EGFR: variants seen among roughly 807,000 people sequenced by gnomAD.
EGFR encodes the protein epidermal growth factor receptor.
A neutral mutation model predicts 143.0 loss-of-function variants in EGFR; 58 were observed. The observed-to-expected ratio is 0.41, with a 90% confidence interval of 0.33 to 0.50. The LOEUF is 0.50. Ranked by LOEUF, EGFR falls within the 20% of genes least tolerant of loss-of-function variation. EGFR has a pLI of 0.39. For missense variants in EGFR, 1,307 were observed against 1,579.0 expected (o/e 0.83, Z 2.92); for synonymous variants, 613 against 594.4 (o/e 1.03, Z -0.45).
At chr7:55,165,706 G>T (rs779128940) in intron 15 of EGFR, among the ~76,000 whole-genome samples, 14 of 152,186 alleles carry the variant, frequency 9.2e-5, no homozygotes, top group Admixed American at 6.5e-5. Flanking sequence ...GGGGACAAAA[G>T]AGCACAGGTC....
At chr7:55,096,988 G>A (rs1239433191) in intron 1 of EGFR, among the ~76,000 whole-genome samples, 2 of 152,234 alleles carry the variant, frequency 1.3e-5, no homozygotes, top group Non-Finnish European at 2.9e-5. Context: ...TCCTCCACAC[G>A]CATATCCCTG....
chr7:55,111,370 T>G (rs1792477874), intron 1 of EGFR, among the ~76,000 whole-genome samples: 2 of 81,750 alleles, frequency 2.4e-5, no homozygotes, highest in African/African-American at 1.3e-4. Flanking sequence ...AGACGTTTTG[T>G]TTTTTTTTTT....
At chr7:55,153,179 C>G (rs1277700528) in intron 6 of EGFR, among the ~76,000 whole-genome samples, 1 of 152,196 alleles carries the variant, frequency 6.6e-6, no homozygotes, top group Non-Finnish European at 1.5e-5. Flanking sequence ...GCTCCTCCAC[C>G]ACTGCTCAGG....
chr7:55,096,525 T>C (rs1197864882), intron 1 of EGFR, among the ~76,000 whole-genome samples: 1 of 152,108 alleles, frequency 6.6e-6, no homozygotes, highest in Non-Finnish European at 1.5e-5. Context: ...TGTGATAAGT[T>C]CTGTTTATGG....
At chr7:55,107,711 C>T (rs1584055468) in intron 1 of EGFR, among the ~76,000 whole-genome samples, 2 of 152,198 alleles carry the variant, frequency 1.3e-5, no homozygotes, top group Admixed American at 6.5e-5. Context: ...GAGGACAGAA[C>T]AATATTTGCA....
chr7:55,142,800 T>C lies in EGFR; in HGVS notation c.240+363T>C, dbSNP rs535961872. Reference sequence around the variant, plus strand: ...TTAGTGTAAATACTCCTACTATAGCTGATTTCAAGGTACCAAGTTTCACTC... The same window carrying C: ...TTAGTGTAAATACTCCTACTATAGCCGATTTCAAGGTACCAAGTTTCACTC... On this transcript the variant is annotated intron_variant, in intron 2 of 27. Transcript: ENST00000275493. 1.3e-4 allele frequency among the ~76,000 whole-genome samples: 20 copies of C among 152,338 alleles called. No homozygotes were observed. In the East Asian group the frequency reaches 3.5e-3, roughly 26 times the overall value.
rs118098797 is a variant in EGFR at position 55,176,030 on chromosome 7, A to T, written c.2283+1210A>T. Among the ~76,000 whole-genome samples the T allele has an allele frequency of 2.9e-4, 44 of 152,358 alleles. No homozygotes were observed. In the East Asian group the frequency reaches 6.6e-3, roughly 23 times the overall value. Reference sequence around the variant, plus strand: ...TTACAAATTGAGTCAAGTCCTAGTAACAAAATGTTAAGTCTATTAACATAA... The same window carrying T: ...TTACAAATTGAGTCAAGTCCTAGTATCAAAATGTTAAGTCTATTAACATAA... On this transcript the variant is annotated intron_variant, in intron 19 of 27. Transcript: ENST00000275493.
At chr7:55,074,071 C>T (rs751849226) in intron 1 of EGFR, among the ~76,000 whole-genome samples, 19 of 152,242 alleles carry the variant, frequency 1.2e-4, no homozygotes, top group African/African-American at 4.3e-4. Flanking sequence ...GCGGTCTCAA[C>T]GGCTCATTCA....
At chr7:55,115,426 T>C (rs1010353248) in intron 1 of EGFR, among the ~76,000 whole-genome samples, 1 of 152,246 alleles carries the variant, frequency 6.6e-6, no homozygotes, top group Non-Finnish European at 1.5e-5. Context: ...CAATGGCTGC[T>C]ATTTTCATGA....
At chr7:55,132,101 A>T (rs1793877500) in intron 1 of EGFR, among the ~76,000 whole-genome samples, 1 of 151,606 alleles carries the variant, frequency 6.6e-6, no homozygotes, top group Non-Finnish European at 1.5e-5. Flanking sequence ...AAATGTGTGT[A>T]TGTTTATAGA....
chr7:55,170,118 A>C (rs1034264240), intron 15 of EGFR, among the ~76,000 whole-genome samples: 2 of 152,204 alleles, frequency 1.3e-5, no homozygotes, highest in Non-Finnish European at 2.9e-5. Flanking sequence ...AAAGCACCAC[A>C]GGGGTAAGAC....
At chr7:55,067,322 A>G (rs1789563607) in intron 1 of EGFR, among the ~76,000 whole-genome samples, 2 of 146,058 alleles carry the variant, frequency 1.4e-5, no homozygotes, top group South Asian at 4.1e-4. Context: ...GCCGGAGCCC[A>G]TGGGGAAATG....
At chr7:55,024,638 G>T (rs952732667) in intron 1 of EGFR, among the ~76,000 whole-genome samples, 2 of 152,160 alleles carry the variant, frequency 1.3e-5, no homozygotes, top group Non-Finnish European at 2.9e-5. Flanking sequence ...ATGATTGTTT[G>T]CCCTTTGCAT....
chr7:55,026,572 G>A (rs1259081674), intron 1 of EGFR, among the ~76,000 whole-genome samples: 5 of 152,048 alleles, frequency 3.3e-5, no homozygotes, highest in African/African-American at 4.8e-5. Flanking sequence ...ACTCCTCCTC[G>A]ACCAGAGACA....
At chr7:55,136,468 C>T (rs1265971034) in intron 1 of EGFR, among the ~76,000 whole-genome samples, 4 of 152,196 alleles carry the variant, frequency 2.6e-5, no homozygotes, top group African/African-American at 9.7e-5. Context: ...ACTTTGGTCA[C>T]ATGGCCATCC....
At chr7:55,105,198 C>T (rs753711854) in intron 1 of EGFR, among the ~76,000 whole-genome samples, 16 of 152,188 alleles carry the variant, frequency 1.1e-4, no homozygotes, top group Non-Finnish European at 2.2e-4. Context: ...GTCAAATGCT[C>T]AGGCAAGAAT....
At chr7:55,046,691 C>G (rs1426624652) in intron 1 of EGFR, among the ~76,000 whole-genome samples, 1 of 152,132 alleles carries the variant, frequency 6.6e-6, no homozygotes, top group Non-Finnish European at 1.5e-5. Context: ...TTTGGAAAGT[C>G]CTGCAATACA....
intron 1 of EGFR, among the ~76,000 whole-genome samples, chr7:55,051,045 G>A (rs1401482815): frequency 6.6e-6 from 1 of 152,132 alleles, no homozygotes; most frequent in Non-Finnish European, 1.5e-5. Flanking sequence ...ATTCATTCTG[G>A]GAATCCTGGT....
At chr7:55,073,996 ACCCTTC>A (rs966792015) in intron 1 of EGFR, among the ~76,000 whole-genome samples, 1 of 152,200 alleles carries the variant, frequency 6.6e-6, no homozygotes, top group African/African-American at 2.4e-5. Flanking sequence ...TCTCAGACAC[ACCCTTC>A]CCCTAGTCTG....
Sources: gnomAD v4.1 joint callset for allele counts (sites outside exome capture counted in the v4.1 genomes callset) on GRCh38, gnomAD v4.1.1 for gene constraint, MANE v1.5 for transcripts, NCBI Gene and HGNC (gene_info 2026-07-23, HGNC 2026-07-21) for gene names.